Variants in POU2F2 observed in about 807,000 individuals in gnomAD.
POU2F2 encodes POU domain, class 2, transcription factor 2.
In POU2F2, 14 loss-of-function variants were observed where a neutral mutation model predicts 63.5. The ratio of observed to expected loss-of-function variants is 0.22; its 90% confidence interval spans 0.15 to 0.34. The LOEUF (loss-of-function observed/expected upper bound fraction) is 0.34. Ranked by LOEUF, POU2F2 falls within the 10% of genes least tolerant of loss-of-function variation. The pLI is 1.00. For missense variants in POU2F2, 607 were observed against 815.2 expected, an observed-to-expected ratio of 0.74 and a Z score of 3.11; for synonymous variants, 306 against 348.6, an observed-to-expected ratio of 0.88 and a Z score of 1.36.
At chr19:42,177,967 G>C (rs2034916164), upstream of POU2F2, among the ~76,000 whole-genome samples, 1 of 151,412 alleles carries the variant, frequency 6.6e-6, no homozygotes, top group South Asian at 2.1e-4. Flanking sequence ...AAGAGACAGA[G>C]AAGGGTGGGG....
intron 2 of POU2F2, among the ~76,000 whole-genome samples, chr19:42,144,977 C>G (rs537060777): frequency 6.6e-6 from 1 of 152,320 alleles, no homozygotes; most frequent in Admixed American, 6.5e-5. Context: ...ACTTTAGAGT[C>G]ACATAAATAG....
chr19:42,096,577 T>C lies in POU2F2; in HGVS notation c.568-334A>G, dbSNP rs377215632. ...CCCTGGAGCTGGAGGCAGTGGTTCA[T>C]CCTCATCTCAACCTGGGAATCAGGG... On this transcript the variant is annotated intron_variant, in intron 7 of 14. Transcript: ENST00000692977. This position sits in a 1 kb window ranked among gnomAD's most constrained non-coding sequence, Gnocchi z 4.1. 1.3e-5 allele frequency among the ~76,000 whole-genome samples: 2 copies of C among 152,176 alleles called. No homozygotes were observed. Among genetic ancestry groups the C allele is most frequent in the East Asian group, 3.8e-4 (2 of 5,198 alleles).
intron 1 of POU2F2, among the ~76,000 whole-genome samples, chr19:42,166,353 CA>C (rs1029628772): frequency 2.0e-5 from 3 of 151,346 alleles, no homozygotes; most frequent in African/African-American, 2.4e-5. Flanking sequence ...AAATGAACAA[CA>C]AAAAAAAGTT....
rs371340400 is a variant in POU2F2, at chr19:42,091,260, C to T, written c.1872G>A (p.Glu624=). 6.2e-5 allele frequency: 95 copies of T among 1,527,348 alleles called. No individual in the cohort carries two copies. The highest frequency in any genetic ancestry group is 5.4e-4 in the East Asian group (22 of 40,564). The allele number at this position is 1,527,348 out of a possible 1,614,324, so 94.6% of individuals were successfully genotyped here. A position where few individuals can be genotyped will look rare whatever the true frequency, so the allele number is the denominator to read the frequency against. ...PGGPEAGSKP[E] is the part of the protein sequence containing the mutation. ...GGAGGGGAGGCATGGCTGGCCCTCA[C>T]TCAGGTTTGGACCCTGCCTCGGGCC... The change falls in exon 15 of 15, where the codon GAG becomes GAA. Residue 624 remains glutamate (E), a synonymous_variant. Coordinates refer to ENST00000692977, the MANE Select transcript of POU2F2 (RefSeq NM_001394376.1).
At chr19:42,181,143 A>C (rs563104262) in intron 1 of POU2F2, among the ~76,000 whole-genome samples, 1 of 152,382 alleles carries the variant, frequency 6.6e-6, no homozygotes, top group South Asian at 2.1e-4. Flanking sequence ...AGGAGACTTA[A>C]GCAATCCGCA....
intron 2 of POU2F2, among the ~76,000 whole-genome samples, chr19:42,139,780 G>A (rs1422879002): frequency 1.3e-5 from 2 of 152,130 alleles, no homozygotes; most frequent in East Asian, 3.9e-4. Context: ...AACAAGAACG[G>A]GTGAGATGGA....
At chr19:42,129,683 CG>C (rs1179113481) in intron 1 of POU2F2, among the ~76,000 whole-genome samples, 9 of 152,244 alleles carry the variant, frequency 5.9e-5, no homozygotes, top group Admixed American at 2.0e-4. Flanking sequence ...TTGGTGCTGC[CG>C]GGAACCTCTG....
chr19:42,107,166 G>A (rs1476079578), intron 5 of POU2F2, among the ~76,000 whole-genome samples: 2 of 152,102 alleles, frequency 1.3e-5, no homozygotes, highest in Non-Finnish European at 2.9e-5. Context: ...TGGCCAACAT[G>A]GTGGAACCCC....
intron 1 of POU2F2, among the ~76,000 whole-genome samples, chr19:42,187,083 C>T (rs894298352): frequency 6.6e-5 from 10 of 152,030 alleles, no homozygotes; most frequent in African/African-American, 1.9e-4. Context: ...GCTGAAATCA[C>T]GAGTCGATGA....
Position 42,095,964 on chromosome 19 carries a change from G to C in POU2F2, c.730-35C>G, listed in dbSNP as rs1369366492. 6.2e-7 allele frequency: 1 copy of C among 1,607,266 alleles called. No homozygotes were observed. Reference sequence around the variant, plus strand: ...TGGGGCGGGGAAGGGCCCGAAGTCAGGGTGGGGCCTTCCGGCACTGGGCCC... The same window carrying C: ...TGGGGCGGGGAAGGGCCCGAAGTCACGGTGGGGCCTTCCGGCACTGGGCCC... On this transcript the variant is annotated intron_variant, in intron 8 of 14. Coordinates refer to ENST00000692977, the MANE Select transcript of POU2F2 (RefSeq NM_001394376.1). The surrounding 1 kb of genome is among the most constrained non-coding windows in gnomAD (Gnocchi z 7.1).
intron 5 of POU2F2, among the ~76,000 whole-genome samples, chr19:42,115,155 A>C (rs999315800): frequency 6.6e-6 from 1 of 152,092 alleles, no homozygotes; most frequent in Non-Finnish European, 1.5e-5. Flanking sequence ...ATCTCAAAAA[A>C]AAAAGGCTAC....
rs1440310746 is a variant in POU2F2 at position 42,195,220 on chromosome 19, T to C, written c.-70+1163A>G. 2.0e-5 allele frequency among the ~76,000 whole-genome samples: 3 copies of C among 151,620 alleles called. No individual in the cohort carries two copies. The East Asian group carries it at 5.8e-4, about 29-fold the overall frequency. On this transcript the variant is annotated intron_variant, in intron 1 of 5. Transcript: ENST00000532176. ...ACAGAAAGGTGGGCAGGTGGCTCCC[T>C]GATATCCCCCAGCGTCCCTGCTGTT...
At chr19:42,186,425 A>G (rs968111620) in intron 1 of POU2F2, among the ~76,000 whole-genome samples, 1 of 152,172 alleles carries the variant, frequency 6.6e-6, no homozygotes, top group African/African-American at 2.4e-5. Context: ...GAACAAGAGC[A>G]CACAGGTGAG....
At chr19:42,193,976 C>T (rs1302035002) in intron 1 of POU2F2, among the ~76,000 whole-genome samples, 3 of 152,136 alleles carry the variant, frequency 2.0e-5, no homozygotes, top group African/African-American at 4.8e-5. Context: ...AAGAATCTCA[C>T]AAACACAACG....
chr19:42,172,097 G>A (rs1193862321), intron 1 of POU2F2, among the ~76,000 whole-genome samples: 1 of 152,138 alleles, frequency 6.6e-6, no homozygotes. Flanking sequence ...CCTCCAACCT[G>A]GGCTGCTTTC....
intron 1 of POU2F2, among the ~76,000 whole-genome samples, chr19:42,193,213 G>A (rs1207369854): frequency 4.8e-5 from 6 of 126,204 alleles, no homozygotes; most frequent in Non-Finnish European, 8.2e-5. Flanking sequence ...ACGAGACTCC[G>A]TCTCAAAAAA....
chr19:42,105,996 CTTTTTTCTTTCTTTCT>C (rs2029864868), intron 5 of POU2F2, among the ~76,000 whole-genome samples: 1 of 134,116 alleles, frequency 7.5e-6, no homozygotes, highest in Non-Finnish European at 1.6e-5. Flanking sequence ...TAGGATCTTT[CTTTTTTCTTTCTTTCT>C]TTCTTTCTTT....
chr19:42,154,666 A>G (rs375320792), intron 2 of POU2F2, among the ~76,000 whole-genome samples: 1 of 152,316 alleles, frequency 6.6e-6, no homozygotes, highest in East Asian at 1.9e-4. Flanking sequence ...GGCAGACGGC[A>G]GATAGTGGTG....
At chr19:42,158,106 T>C (rs1022968724) in intron 2 of POU2F2, among the ~76,000 whole-genome samples, 1 of 152,144 alleles carries the variant, frequency 6.6e-6, no homozygotes, top group Admixed American at 6.5e-5. Context: ...CCTAAAAGAG[T>C]ATGGCTTCCT....
Sources: allele counts gnomAD v4.1 joint callset (sites outside exome capture counted in the v4.1 genomes callset), GRCh38; gene constraint gnomAD v4.1.1; non-coding constraint Gnocchi (gnomAD v3.1); transcripts MANE v1.5; gene names NCBI Gene and HGNC (gene_info 2026-07-23, HGNC 2026-07-21).